Variants in STIM1 observed in about 807,000 individuals in gnomAD.
STIM1 encodes stromal interaction molecule 1.
Under a neutral mutation model 74.7 loss-of-function variants are expected in STIM1, and 25 were observed. The observed-to-expected ratio is 0.33, with a 90% CI of 0.24 to 0.47. The LOEUF is 0.47. Among genes scored for constraint, STIM1 ranks in the 20% least tolerant of loss-of-function variants. The pLI, the probability that STIM1 is intolerant of heterozygous loss-of-function variation, is 1.00. For missense variants in STIM1, 728 were observed against 920.8 expected (o/e 0.79, Z 2.71); for synonymous variants, 328 against 348.8 (o/e 0.94, Z 0.66).
intron 1 of STIM1, among the ~76,000 whole-genome samples, chr11:3,938,710 G>T (rs907173063): frequency 6.6e-6 from 1 of 152,112 alleles, no homozygotes; most frequent in East Asian, 1.9e-4. Flanking sequence ...AGCCTGGTGT[G>T]GTGGCACATA....
intron 2 of STIM1, among the ~76,000 whole-genome samples, chr11:3,977,853 G>A (rs2093463421): frequency 6.6e-6 from 1 of 152,032 alleles, no homozygotes. Flanking sequence ...AGGTGCTAAA[G>A]CCATGTTTTT....
At chr11:3,876,074 T>A (rs536004954) in intron 1 of STIM1, among the ~76,000 whole-genome samples, 50 of 152,318 alleles carry the variant, frequency 3.3e-4, no homozygotes, top group African/African-American at 1.2e-3. Flanking sequence ...CTAAGCTTTC[T>A]GGTTGTCTGT....
chr11:3,989,429 C>T (rs2093588041), intron 2 of STIM1: 4 of 725,954 alleles, frequency 5.5e-6, no homozygotes, highest in Non-Finnish European at 1.0e-5. Flanking sequence ...TCCTTGGCGG[C>T]CCCTTCCGCG....
At chr11:3,924,202 T>TG (rs1265138631) in intron 1 of STIM1, among the ~76,000 whole-genome samples, 1 of 149,036 alleles carries the variant, frequency 6.7e-6, no homozygotes, top group African/African-American at 2.5e-5. Flanking sequence ...TTTTTTCTTT[T>TG]CTTTTTTTTT....
intron 1 of STIM1, among the ~76,000 whole-genome samples, chr11:3,956,765 G>C (rs2093218329): frequency 7.5e-6 from 1 of 132,670 alleles, no homozygotes; most frequent in African/African-American, 2.8e-5. Flanking sequence ...AGAGGCTGCA[G>C]TGAACCATGA....
intron 5 of STIM1, among the ~76,000 whole-genome samples, chr11:4,065,718 A>G (rs1024906229): frequency 6.6e-6 from 1 of 152,136 alleles, no homozygotes; most frequent in South Asian, 2.1e-4. Context: ...CTATCTATGG[A>G]GTACCTGAAT....
At chr11:3,949,206 A>T (rs1447350437) in intron 1 of STIM1, among the ~76,000 whole-genome samples, 1 of 152,214 alleles carries the variant, frequency 6.6e-6, no homozygotes, top group Non-Finnish European at 1.5e-5. Flanking sequence ...GAGAAATTAG[A>T]AAAAGCCTGA....
chr11:3,881,579 G>T (rs181307514), intron 1 of STIM1, among the ~76,000 whole-genome samples: 230 of 152,242 alleles, frequency 1.5e-3, no homozygotes, highest in African/African-American at 5.2e-3. Flanking sequence ...CACCCTGTTA[G>T]CCAGGATGGT....
chr11:3,940,089 C>T (rs954745499), intron 1 of STIM1, among the ~76,000 whole-genome samples: 6 of 152,198 alleles, frequency 3.9e-5, no homozygotes, highest in Non-Finnish European at 7.3e-5. Flanking sequence ...TTTTCCTTAA[C>T]TCCAGAAGAA....
intron 1 of STIM1, among the ~76,000 whole-genome samples, chr11:3,913,944 CT>C (rs945737299): frequency 2.0e-5 from 3 of 151,948 alleles, no homozygotes; most frequent in African/African-American, 7.2e-5. Context: ...TCGGTACTTT[CT>C]TTTTTTATTA....
chr11:3,888,297 A>G (rs2091790006), intron 1 of STIM1: 1 of 152,210 alleles, frequency 6.6e-6, no homozygotes, highest in South Asian at 2.1e-4. Context: ...GAGGCCAGCA[A>G]GGTGAATGAT....
intron 3 of STIM1, among the ~76,000 whole-genome samples, chr11:4,025,146 A>G (rs572990968): frequency 1.3e-5 from 2 of 152,316 alleles, no homozygotes; most frequent in South Asian, 2.1e-4. Context: ...GCATTAGTCT[A>G]AGGTAGAGAA....
chr11:4,070,281 C>T, intron 6 of STIM1, 78 bp downstream of exon 6: 1 of 1,559,864 alleles, frequency 6.4e-7, no homozygotes, highest in Non-Finnish European at 8.8e-7. Context: ...GTGTGAGCCA[C>T]TTGGCCCCTG....
rs541753141 is a variant in STIM1 at position 4,086,484 on chromosome 11, C to A, written c.1575C>A (p.Ser525Arg). Reference protein sequence around the residue: ...DQSLWKYPAPSLQSSVRQRLT... With the variant: ...DQSLWKYPAPRLQSSVRQRLT... ...TCTTTATTCTCCTTGCAGCCCCTAG[C>A]CTGCAGAGCAGTGTTCGGCAGCGCC... The change falls in exon 12 of 13, where the codon AGC becomes AGA. Residue 525 changes from serine to arginine, a missense_variant. By Grantham distance (110) the Ser-to-Arg change is moderately radical. Coordinates refer to ENST00000526596, the MANE Select transcript of STIM1 (RefSeq NM_001382567.1). 2.5e-6 allele frequency: 4 copies of A among 1,614,112 alleles called. No homozygotes were observed. The highest frequency in any genetic ancestry group is 1.1e-5 in the South Asian group (1 of 91,040).
At chr11:4,028,844 G>A (rs541043735) in intron 3 of STIM1, among the ~76,000 whole-genome samples, 1 of 152,232 alleles carries the variant, frequency 6.6e-6, no homozygotes, top group African/African-American at 2.4e-5. Flanking sequence ...TGTGGACTTT[G>A]CCATAGTAGT....
intron 3 of STIM1, among the ~76,000 whole-genome samples, chr11:4,029,640 G>A (rs765048652): frequency 1.4e-4 from 21 of 152,040 alleles, no homozygotes; most frequent in Non-Finnish European, 2.6e-4. Context: ...TGGTGTGTGC[G>A]TATGTGTGCC....
intron 1 of STIM1, among the ~76,000 whole-genome samples, chr11:3,932,434 G>A (rs1017697913): frequency 3.9e-5 from 6 of 152,066 alleles, no homozygotes; most frequent in Non-Finnish European, 5.9e-5. Context: ...AGGCTGAGGC[G>A]GGTGGATCAC....
intron 7 of STIM1, 77 bp from the exon 8 acceptor site, chr11:4,082,107 G>C (rs2094468402): frequency 6.9e-7 from 1 of 1,443,412 alleles, no homozygotes; most frequent in Non-Finnish European, 9.8e-7. Context: ...TAAGAAGTCT[G>C]AGTTCTGAAG....
chr11:3,958,639 T>A (rs1354115536), intron 1 of STIM1, among the ~76,000 whole-genome samples: 1 of 152,176 alleles, frequency 6.6e-6, no homozygotes, highest in East Asian at 1.9e-4. Context: ...CTTTCTTGGA[T>A]AACTCCAGGT....
Sources: allele counts gnomAD v4.1 joint callset (sites outside exome capture counted in the v4.1 genomes callset), GRCh38; gene constraint gnomAD v4.1.1; transcripts MANE v1.5; gene names NCBI Gene and HGNC (gene_info 2026-07-23, HGNC 2026-07-21).